Variants in TMEM74 observed in about 807,000 individuals in gnomAD.
TMEM74 encodes transmembrane protein 74.
TMEM74 carries 13 observed loss-of-function variants against 18.1 expected under a neutral mutation model. The ratio of observed to expected loss-of-function variants is 0.72; its 90% CI spans 0.47 to 1.14. TMEM74 has a LOEUF of 1.14. TMEM74 is among the 50% of genes most tolerant of loss of function. The pLI is 0.00. For synonymous variants in TMEM74, 159 were observed against 146.6 expected, an observed-to-expected ratio of 1.08 and a Z score of -0.61; for missense variants, 372 against 375.9, an observed-to-expected ratio of 0.99 and a Z score of 0.09.
chr8:108,607,646 T>G (rs1812289491), exon 4 of TMEM74: 3 of 152,230 alleles, frequency 2.0e-5, no homozygotes. Context: ...TGTCCATAAA[T>G]GGCCTTGAAT....
At chr8:108,704,723 A>T (rs925931540) in intron 1 of TMEM74, among the ~76,000 whole-genome samples, 5 of 152,352 alleles carry the variant, frequency 3.3e-5, no homozygotes, top group Non-Finnish European at 7.3e-5. Context: ...GCATGGCAAA[A>T]GCCCTCCAAG....
At chr8:108,625,301 G>A (rs1286701445) in intron 2 of TMEM74, among the ~76,000 whole-genome samples, 1 of 151,988 alleles carries the variant, frequency 6.6e-6, no homozygotes, top group East Asian at 1.9e-4. Flanking sequence ...TTTCAATTCT[G>A]CATTTTTTTG....
rs1203755718 is a variant in TMEM74 at position 108,719,408 on chromosome 8, G to C, written n.120-63971C>G. Among the ~76,000 whole-genome samples, 3 of 151,796 alleles carry C rather than the reference G, an allele frequency of 2.0e-5. No individual in the cohort carries two copies. In the East Asian group the frequency reaches 5.8e-4, roughly 29 times the overall value. On this transcript the variant is annotated intron_variant and non_coding_transcript_variant, in intron 1 of 3. Coordinates refer to the TMEM74 transcript ENST00000518838. ...CTTTATTGGATCGATCTTCTATTTT[G>C]GCAGCTCTGCATTGTTTAGTATTTA...
At chr8:108,705,541 G>C (rs1180024494) in intron 1 of TMEM74, among the ~76,000 whole-genome samples, 2 of 152,106 alleles carry the variant, frequency 1.3e-5, no homozygotes, top group Non-Finnish European at 2.9e-5. Flanking sequence ...GCTGGCACTA[G>C]GCTTGATGAA....
chr8:108,677,201 T>C (rs2130595223), intron 1 of TMEM74, among the ~76,000 whole-genome samples: 1 of 152,302 alleles, frequency 6.6e-6, no homozygotes, highest in South Asian at 2.1e-4. Context: ...GGCTAGGAGT[T>C]GTCTGGCCTA....
chr8:108,619,713 G>A (rs1315251523), intron 2 of TMEM74, among the ~76,000 whole-genome samples: 1 of 152,162 alleles, frequency 6.6e-6, no homozygotes, highest in Non-Finnish European at 1.5e-5. Flanking sequence ...TCCCAGGAGA[G>A]CAGTTATTTA....
intron 1 of TMEM74, among the ~76,000 whole-genome samples, chr8:108,674,949 A>G (rs1813041904): frequency 1.3e-5 from 2 of 152,184 alleles, no homozygotes; most frequent in African/African-American, 4.8e-5. Flanking sequence ...GATGAGCCCA[A>G]GGATTTATCA....
At position 108,639,416 on chromosome 8, in the gene TMEM74, A is replaced by G. The variant is rs547769194; in HGVS notation, n.264+15877T>C. ...GTGAAATGAGTTGTTCAACCTAGAA[A>G]TTGATAGACTAGTTCTTTATACACA... On this transcript the variant is annotated intron_variant and non_coding_transcript_variant, in intron 2 of 3. Transcript: ENST00000518838. Among the ~76,000 whole-genome samples the G allele has an allele frequency of 3.3e-5, 5 of 152,230 alleles. No individual in the cohort carries two copies. The East Asian group carries it at 9.7e-4, about 30-fold the overall frequency.
downstream of TMEM74, among the ~76,000 whole-genome samples, chr8:108,776,207 A>G (rs752008479): frequency 4.6e-5 from 7 of 152,224 alleles, no homozygotes; most frequent in Admixed American, 6.5e-5. Context: ...TTAAAAGATA[A>G]TTACGCTGGG....
intron 2 of TMEM74, among the ~76,000 whole-genome samples, chr8:108,632,195 G>A (rs1277831681): frequency 6.6e-6 from 1 of 151,938 alleles, no homozygotes; most frequent in Non-Finnish European, 1.5e-5. Flanking sequence ...CAGGACATGT[G>A]AATGAATTTT....
chr8:108,648,329 A>G (rs1335601056), intron 2 of TMEM74, among the ~76,000 whole-genome samples: 2 of 152,118 alleles, frequency 1.3e-5, no homozygotes, highest in African/African-American at 4.8e-5. Flanking sequence ...GCAAGCCTGC[A>G]GGGGAAAAGA....
In TMEM74 at chr8:108,646,135, C is replaced by A. The variant is rs191490394; in HGVS notation, n.264+9158G>T. 3.1e-4 allele frequency among the ~76,000 whole-genome samples: 46 copies of A among 148,488 alleles called. 1 individual carries two copies. The highest frequency in any genetic ancestry group is 3.0e-3 in the Admixed American group (44 of 14,872). ...TAAAGAACTTCATACTTAACATGGG[C>A]TCAAGAAATATTTGTTAAATTGAAA... On this transcript the variant is annotated intron_variant and non_coding_transcript_variant, in intron 2 of 3. Transcript: ENST00000518838.
At chr8:108,637,124 C>G (rs1812614836) in intron 2 of TMEM74, among the ~76,000 whole-genome samples, 1 of 152,100 alleles carries the variant, frequency 6.6e-6, no homozygotes, top group Non-Finnish European at 1.5e-5. Context: ...GCATTATATT[C>G]TCTAATTTGA....
intron 1 of TMEM74, among the ~76,000 whole-genome samples, chr8:108,663,413 A>G (rs1812919585): frequency 6.6e-6 from 1 of 152,174 alleles, no homozygotes; most frequent in Non-Finnish European, 1.5e-5. Context: ...ACAATGAAAC[A>G]CCATCTCATG....
At chr8:108,676,104 G>A (rs1813053697) in intron 1 of TMEM74, among the ~76,000 whole-genome samples, 1 of 152,158 alleles carries the variant, frequency 6.6e-6, no homozygotes, top group South Asian at 2.1e-4. Context: ...TTCAAGGGGA[G>A]TATTTATTGT....
chr8:108,722,707 C>A (rs1332633034), intron 1 of TMEM74, among the ~76,000 whole-genome samples: 2 of 152,040 alleles, frequency 1.3e-5, no homozygotes, highest in East Asian at 3.9e-4. Context: ...TAATTTGCAT[C>A]TATCTCCCAG....
At position 108,779,727 on chromosome 8, in the gene TMEM74, C is replaced by T. The variant is rs1814279517; in HGVS notation, c.*4454G>A. Reference sequence around the variant, plus strand: ...CTAACAATAACTTTGGATATTAAAGCTGTATAACTATAAAATATAGTCCAA... The same window carrying T: ...CTAACAATAACTTTGGATATTAAAGTTGTATAACTATAAAATATAGTCCAA... On this transcript the variant is annotated 3_prime_UTR_variant, in exon 2 of 2. Coordinates refer to ENST00000297459, the MANE Select transcript of TMEM74 (RefSeq NM_153015.3). Among the ~76,000 whole-genome samples, 1 of 152,124 alleles carries T rather than the reference C, an allele frequency of 6.6e-6. No individual in the cohort carries two copies.
intron 2 of TMEM74, among the ~76,000 whole-genome samples, chr8:108,646,291 C>A (rs73702120): frequency 6.6e-6 from 1 of 151,932 alleles, no homozygotes; most frequent in Admixed American, 6.6e-5. Flanking sequence ...TTAGGAATCA[C>A]CTGCTTAGAT....
chr8:108,681,221 C>T (rs2130599080), intron 1 of TMEM74, among the ~76,000 whole-genome samples: 1 of 152,210 alleles, frequency 6.6e-6, no homozygotes, highest in African/African-American at 2.4e-5. Context: ...CAATCCTAAG[C>T]CAAAAGAACA....
Sources: gnomAD v4.1 joint callset for allele counts (sites outside exome capture counted in the v4.1 genomes callset) on GRCh38, gnomAD v4.1.1 for gene constraint, MANE v1.5 for transcripts, NCBI Gene and HGNC (gene_info 2026-07-23, HGNC 2026-07-21) for gene names.